Variants in IPCEF1 observed in about 807,000 individuals in gnomAD.
The protein encoded by IPCEF1 is interaction protein for cytohesin exchange factors 1.
Under a neutral mutation model 50.9 loss-of-function variants are expected in IPCEF1, and 31 were observed. The observed-to-expected ratio is 0.61, with a 90% confidence interval of 0.46 to 0.82. IPCEF1 has a LOEUF of 0.82. Among genes scored for constraint, IPCEF1 ranks in the 40% least tolerant of loss-of-function variants. IPCEF1 has a pLI of 0.00. For synonymous variants in IPCEF1, 181 were observed against 192.0 expected (o/e 0.94, Z 0.47); for missense variants, 458 against 514.0 (o/e 0.89, Z 1.05).
chr6:154,248,864 T>C (rs1781267894), intron 3 of IPCEF1, among the ~76,000 whole-genome samples: 1 of 152,130 alleles, frequency 6.6e-6, no homozygotes, highest in Non-Finnish European at 1.5e-5. Flanking sequence ...GTATGTGTAA[T>C]ATAATATTAT....
chr6:154,213,004 T>C, intron 8 of IPCEF1, 149 bp from the exon 9 acceptor site: 1 of 631,720 alleles, frequency 1.6e-6, no homozygotes, highest in South Asian at 1.9e-5. Flanking sequence ...AACTACCTGG[T>C]GCAAAGGAAT....
At chr6:154,300,821 T>C (rs901790027) in intron 1 of IPCEF1, among the ~76,000 whole-genome samples, 2 of 152,186 alleles carry the variant, frequency 1.3e-5, no homozygotes, top group African/African-American at 4.8e-5. Flanking sequence ...GGTAAGTAAA[T>C]AAAGATTGTT....
chr6:154,337,752 T>G (rs1783818555), intron 1 of IPCEF1, among the ~76,000 whole-genome samples: 1 of 152,220 alleles, frequency 6.6e-6, no homozygotes, highest in African/African-American at 2.4e-5. Flanking sequence ...ATGTATGAAC[T>G]CAGTGCTATA....
At chr6:154,219,006 G>A (rs527793455) in intron 7 of IPCEF1, 1 of 152,166 alleles carries the variant, frequency 6.6e-6, no homozygotes, top group East Asian at 1.9e-4. Flanking sequence ...CCAACAGGAT[G>A]AAGTATTTAT....
intron 3 of IPCEF1, among the ~76,000 whole-genome samples, chr6:154,260,648 T>C (rs1056935139): frequency 5.3e-5 from 8 of 152,166 alleles, no homozygotes; most frequent in African/African-American, 1.9e-4. Flanking sequence ...AATTTTTGTA[T>C]TTTTAGTAGA....
At chr6:154,345,782 T>TA (rs1784015835) in intron 1 of IPCEF1, among the ~76,000 whole-genome samples, 1 of 152,182 alleles carries the variant, frequency 6.6e-6, no homozygotes, top group Non-Finnish European at 1.5e-5. Context: ...CCCCATATGG[T>TA]AAATTATTAT....
At chr6:154,338,358 G>A (rs1783833032) in intron 1 of IPCEF1, among the ~76,000 whole-genome samples, 1 of 152,214 alleles carries the variant, frequency 6.6e-6, no homozygotes, top group African/African-American at 2.4e-5. Context: ...ATAGGGAACT[G>A]AGAGCCAAAG....
At chr6:154,248,123 T>C (rs2128644683) in intron 3 of IPCEF1, among the ~76,000 whole-genome samples, 1 of 152,336 alleles carries the variant, frequency 6.6e-6, no homozygotes, top group Admixed American at 6.5e-5. Context: ...TTTAAATATC[T>C]CTGAATATTT....
intron 3 of IPCEF1, among the ~76,000 whole-genome samples, chr6:154,257,687 T>G (rs898577878): frequency 2.7e-5 from 4 of 149,742 alleles, no homozygotes; most frequent in African/African-American, 9.7e-5. Context: ...GTTTTGGTTT[T>G]GGGTTTTGTT....
intron 1 of IPCEF1, among the ~76,000 whole-genome samples, chr6:154,296,719 C>T (rs1403016078): frequency 1.3e-5 from 2 of 151,592 alleles, no homozygotes; most frequent in Non-Finnish European, 2.9e-5. Context: ...GTCCCAACTA[C>T]TCGGGAGGCT....
chr6:154,285,923 A>G (rs1248956685), intron 2 of IPCEF1, among the ~76,000 whole-genome samples: 1 of 152,228 alleles, frequency 6.6e-6, no homozygotes, highest in Non-Finnish European at 1.5e-5. Flanking sequence ...CATAAGTTTC[A>G]TAGGCCATAG....
chr6:154,340,937 G>A (rs1004179995), intron 1 of IPCEF1, among the ~76,000 whole-genome samples: 9 of 142,524 alleles, frequency 6.3e-5, no homozygotes, highest in Non-Finnish European at 1.1e-4. Flanking sequence ...GTGTGTGTGT[G>A]TATGTACACA....
At chr6:154,260,282 C>A (rs533903735) in intron 3 of IPCEF1, among the ~76,000 whole-genome samples, 7 of 152,092 alleles carry the variant, frequency 4.6e-5, no homozygotes, top group Non-Finnish European at 7.4e-5. Context: ...GAAAACTGAG[C>A]GAAATATCCA....
intron 5 of IPCEF1, among the ~76,000 whole-genome samples, chr6:154,236,742 T>C (rs1780166186): frequency 6.6e-6 from 1 of 152,094 alleles, no homozygotes; most frequent in South Asian, 2.1e-4. Context: ...TGAACAGACA[T>C]AGAGGCGAGG....
chr6:154,296,591 A>C (rs563158929), intron 1 of IPCEF1, among the ~76,000 whole-genome samples: 1 of 152,246 alleles, frequency 6.6e-6, no homozygotes, highest in South Asian at 2.1e-4. Flanking sequence ...GCACTTTGGG[A>C]GGCCGAGGAG....
At chr6:154,311,560 TA>T (rs1783078648) in intron 1 of IPCEF1, among the ~76,000 whole-genome samples, 1 of 152,182 alleles carries the variant, frequency 6.6e-6, no homozygotes, top group South Asian at 2.1e-4. Flanking sequence ...ATATGTTTTT[TA>T]AAAAAGTGCT....
intron 2 of IPCEF1, among the ~76,000 whole-genome samples, chr6:154,285,908 T>C (rs1782348734): frequency 6.6e-6 from 1 of 152,188 alleles, no homozygotes; most frequent in Non-Finnish European, 1.5e-5. Flanking sequence ...AAGCAGTTCT[T>C]AGAACATAAG....
At chr6:154,295,137 G>T (rs937969169) in intron 1 of IPCEF1, among the ~76,000 whole-genome samples, 20 of 152,086 alleles carry the variant, frequency 1.3e-4, no homozygotes, top group Admixed American at 1.3e-3. Context: ...GGCGGGGATT[G>T]CAGTGAGCTG....
intron 1 of IPCEF1, among the ~76,000 whole-genome samples, chr6:154,342,678 T>TA (rs1274773295): frequency 9.2e-5 from 14 of 151,962 alleles, no homozygotes; most frequent in African/African-American, 3.4e-4. Context: ...CTCAGGCTGG[T>TA]CTCAAACTCC....
Sources: gnomAD v4.1 joint callset for allele counts (sites outside exome capture counted in the v4.1 genomes callset) on GRCh38, gnomAD v4.1.1 for gene constraint, MANE v1.5 for transcripts, NCBI Gene and HGNC (gene_info 2026-07-23, HGNC 2026-07-21) for gene names.